Variants in LPCAT4 observed in about 807,000 individuals in gnomAD.
LPCAT4 encodes the protein lysophospholipid acyltransferase LPCAT4.
LPCAT4 carries 30 observed loss-of-function variants against 66.5 expected under a neutral mutation model. The ratio of observed to expected loss-of-function variants is 0.45; its 90% CI spans 0.34 to 0.61. The LOEUF (loss-of-function observed/expected upper bound fraction) is 0.61, where lower values mean the gene tolerates loss of function less well. Ranked by LOEUF, LPCAT4 falls within the 20% of genes least tolerant of loss-of-function variation. LPCAT4 has a pLI of 0.01. For synonymous variants in LPCAT4, 253 were observed against 262.1 expected (o/e 0.97, Z 0.34); for missense variants, 557 against 656.7 (o/e 0.85, Z 1.66).
At position 34,362,327 on chromosome 15, in the gene LPCAT4, G is replaced by A; in HGVS notation, c.885-6C>T. ...TGGCTGGAATGCCCAGAGCCCTACA[G>A]GATGAAGAGGGATGGGATGGAGGGT... is the stretch of plus-strand genomic sequence containing the variant. On this transcript the variant is annotated splice_region_variant and splice_polypyrimidine_tract_variant and intron_variant, in intron 9 of 13. Coordinates refer to ENST00000314891, the MANE Select transcript of LPCAT4 (RefSeq NM_153613.3). 1 of 1,614,064 alleles carries A rather than the reference G, an allele frequency of 6.2e-7. No individual in the cohort carries two copies. Among genetic ancestry groups the A allele is most frequent in the Non-Finnish European group, 8.5e-7 (1 of 1,179,998 alleles).
intron 10 of LPCAT4, 58 bp downstream of exon 10, chr15:34,362,138 T>TCTC: frequency 2.0e-6 from 3 of 1,487,198 alleles, no homozygotes; most frequent in Middle Eastern, 1.8e-4. Flanking sequence ...CCCCTTCTTA[T>TCTC]TCTCTCTCTC....
rs1015765590 is a variant in LPCAT4, at chr15:34,364,893, C to T, written c.478+115G>A. The T allele has an allele frequency of 3.7e-6, 3 of 806,872 alleles. No individual in the cohort carries two copies. In the African/African-American group the frequency reaches 5.2e-5, roughly 14 times the overall value. 50.0% of individuals were successfully genotyped at this position (806,872 alleles called of 1,614,324 possible). ...ACTAATGGTGTTAATTTATATTTCA[C>T]TTGCCAACAGTCCCTCCCCACTTTG... On this transcript the variant is annotated intron_variant, in intron 3 of 13. Coordinates refer to ENST00000314891, the MANE Select transcript of LPCAT4 (RefSeq NM_153613.3).
Position 34,363,389 on chromosome 15 carries a change from C to T in LPCAT4, c.746+33G>A. On this transcript the variant is annotated intron_variant, in intron 7 of 13. Coordinates refer to ENST00000314891, the MANE Select transcript of LPCAT4 (RefSeq NM_153613.3). This position sits in a 1 kb window ranked among gnomAD's most constrained non-coding sequence, Gnocchi z 4.3. ...AGGAATTCTCTGATGGACCCTGCTC[C>T]CCACCCTCACCCCCAGGAATACCAG... 1 of 1,607,758 alleles carries T rather than the reference C, an allele frequency of 6.2e-7. No homozygotes were observed. Among genetic ancestry groups the T allele is most frequent in the East Asian group, 2.2e-5 (1 of 44,850 alleles).
chr15:34,366,008 G>C (rs1413705074), intron 1 of LPCAT4: 4 of 306,538 alleles, frequency 1.3e-5, no homozygotes, highest in Non-Finnish European at 2.5e-5. Context: ...GAATGCATGC[G>C]AAAGTGCAGG....
chr15:34,359,993 G>T, intron 12 of LPCAT4, 118 bp downstream of exon 12: 1 of 911,344 alleles, frequency 1.1e-6, no homozygotes, highest in Non-Finnish European at 1.7e-6. Context: ...GTGGCACTAG[G>T]TTGGATACCA....
intron 13 of LPCAT4, 71 bp downstream of exon 13, chr15:34,359,518 C>G: frequency 6.4e-7 from 1 of 1,556,566 alleles, no homozygotes; most frequent in Non-Finnish European, 8.7e-7. Flanking sequence ...TGTTCCCTCC[C>G]AGCCCAGTGC....
rs1890907683 is a variant in LPCAT4, at chr15:34,360,099, A to AC, written c.1242+11dup. 1 of 965,590 alleles carries AC rather than the reference A, an allele frequency of 1.0e-6. No individual in the cohort carries two copies. Among genetic ancestry groups the AC allele is most frequent in the Non-Finnish European group, 1.6e-6 (1 of 629,922 alleles). 59.8% of individuals were successfully genotyped at this position (965,590 alleles called of 1,614,324 possible). A position where few individuals can be genotyped will look rare whatever the true frequency, so the allele number is the denominator to read the frequency against. ...CCACTAAGCACCCCCCACCACCGCCACCCCCCATTACCTCAAAGGCCAGAC... is the reference window on the plus strand; with the variant it reads ...CCACTAAGCACCCCCCACCACCGCCACCCCCCCATTACCTCAAAGGCCAGAC... On this transcript the variant is annotated intron_variant, in intron 12 of 13. Coordinates refer to ENST00000314891, the MANE Select transcript of LPCAT4 (RefSeq NM_153613.3).
chr15:34,360,731 CTCAATCTAAGGAA>C (rs912821655), intron 11 of LPCAT4, among the ~76,000 whole-genome samples: 3 of 152,176 alleles, frequency 2.0e-5, no homozygotes, highest in African/African-American at 7.2e-5. Context: ...GACAGTCCGC[CTCAATCTAAGGAA>C]TCTAGATACC....
chr15:34,363,875 G>T lies in LPCAT4; in HGVS notation c.652+138C>A. ...TTCTCTCTGACTCCTCGACTTGACA[G>T]CATTAGCTAGGAGGTTCCTGGTCTC... On this transcript the variant is annotated intron_variant, in intron 5 of 13. Transcript: ENST00000314891. The surrounding 1 kb of genome is among the most constrained non-coding windows in gnomAD (Gnocchi z 4.3). 7.9e-7 allele frequency: 1 copy of T among 1,261,894 alleles called. No individual in the cohort carries two copies. Among genetic ancestry groups the T allele is most frequent in the Non-Finnish European group, 1.1e-6 (1 of 872,384 alleles). 78.2% of individuals were successfully genotyped at this position (1,261,894 alleles called of 1,614,324 possible). A position where few individuals can be genotyped will look rare whatever the true frequency, so the allele number is the denominator to read the frequency against.
At chr15:34,364,411 C>T (rs1421905191) in intron 3 of LPCAT4, 105 bp from the exon 4 acceptor site, 28 of 558,870 alleles carry the variant, frequency 5.0e-5, no homozygotes, top group South Asian at 8.6e-5. Flanking sequence ...TCTGTTATCT[C>T]TTTTTTTTTT....
chr15:34,360,343 T>C (rs2140165412), intron 11 of LPCAT4, 134 bp from the exon 12 acceptor site: 1 of 667,800 alleles, frequency 1.5e-6, no homozygotes, highest in Non-Finnish European at 2.6e-6. Context: ...AACTGTGAGC[T>C]CCAAACTCTT....
At chr15:34,366,369 G>A (rs1034392031) in intron 1 of LPCAT4, among the ~76,000 whole-genome samples, 1 of 152,172 alleles carries the variant, frequency 6.6e-6, no homozygotes, top group East Asian at 1.9e-4. Flanking sequence ...GGTGATGACA[G>A]CAGAAACCTT....
At chr15:34,364,910 C>T in intron 3 of LPCAT4, 98 bp downstream of exon 3, 3 of 995,228 alleles carry the variant, frequency 3.0e-6, no homozygotes, top group East Asian at 2.4e-5. Context: ...ACAGTCCCTC[C>T]CCACTTTGAG....
intron 11 of LPCAT4, among the ~76,000 whole-genome samples, 171 bp from the exon 12 acceptor site, chr15:34,360,380 C>T (rs1890914877): frequency 6.6e-6 from 1 of 152,214 alleles, no homozygotes; most frequent in African/African-American, 2.4e-5. Flanking sequence ...TCTCTCAGGT[C>T]ATAGGCTTTC....
At position 34,360,145 on chromosome 15, in the gene LPCAT4, C is replaced by A; in HGVS notation, c.1208G>T (p.Arg403Met). The A allele has an allele frequency of 1.2e-6, 2 of 1,614,026 alleles. No individual in the cohort carries two copies. The highest frequency in any genetic ancestry group is 1.7e-6 in the Non-Finnish European group (2 of 1,179,990). Reference sequence around the variant, plus strand: ...CAGACGAGTTAGCTCTTCCAGGCTCCTGCCCCCATCCAGAGCTGCTAGTGC... The same window carrying A: ...CAGACGAGTTAGCTCTTCCAGGCTCATGCCCCCATCCAGAGCTGCTAGTGC... ...ALALAALDGG[R>M]SLEELTRLAF... is the part of the protein sequence containing the mutation. The change falls in exon 12 of 14, where the codon AGG (arginine) becomes ATG (methionine). Residue 403 changes from arginine (R) to methionine (M), a missense_variant. Physicochemically the swap from Arg to Met is moderately conservative, Grantham distance 91. Transcript: ENST00000314891.
intron 11 of LPCAT4, chr15:34,361,167 AC>A (rs1408125257): frequency 5.1e-6 from 7 of 1,362,142 alleles, no homozygotes; most frequent in Non-Finnish European, 6.6e-6. Flanking sequence ...TATAGTCCTT[AC>A]TGATTATTTC....
rs866613649 is a variant in LPCAT4 at position 34,360,152 on chromosome 15, C to A, written c.1201G>T (p.Gly401Trp). The A allele has an allele frequency of 1.2e-6, 2 of 1,613,956 alleles. No homozygotes were observed. The highest frequency in any genetic ancestry group is 4.5e-5 in the East Asian group (2 of 44,876). ...DVALALAALD[G>W]GRSLEELTRL... ...GTTAGCTCTTCCAGGCTCCTGCCCC[C>A]ATCCAGAGCTGCTAGTGCAAGGGCC... is the stretch of plus-strand genomic sequence containing the variant. Residue 401 changes from glycine (G) to tryptophan (W), a missense_variant, in exon 12 of 14, where the codon GGG becomes TGG. Around this residue, in one of 4 missense-constraint regions of LPCAT4, gnomAD observed 392 missense variants for 473.9 expected, o/e 0.83. Coordinates refer to ENST00000314891, the MANE Select transcript of LPCAT4 (RefSeq NM_153613.3).
Position 34,364,325 on chromosome 15 carries a change from C to A in LPCAT4, c.479-19G>T. On this transcript the variant is annotated intron_variant, in intron 3 of 13. Transcript: ENST00000314891. Reference sequence around the variant, plus strand: ...AGAAGGGCTGGGGTTGGGAAGGATACAAAGAGGAATCACTTCTTTCCTACC... The same window carrying A: ...AGAAGGGCTGGGGTTGGGAAGGATAAAAAGAGGAATCACTTCTTTCCTACC... 6.5e-7 allele frequency: 1 copy of A among 1,533,894 alleles called. No homozygotes were observed. The highest frequency in any genetic ancestry group is 9.0e-7 in the Non-Finnish European group (1 of 1,109,270).
chr15:34,365,479 CTT>C (rs1423452940), intron 2 of LPCAT4, 78 bp downstream of exon 2: 2 of 1,583,908 alleles, frequency 1.3e-6, no homozygotes, highest in East Asian at 2.2e-5. Flanking sequence ...AGAATGCTCT[CTT>C]TTCTTCTTCT....
Sources: allele counts gnomAD v4.1 joint callset (sites outside exome capture counted in the v4.1 genomes callset), GRCh38; gene constraint gnomAD v4.1.1; regional missense constraint gnomAD v4.1.1; non-coding constraint Gnocchi (gnomAD v3.1); transcripts MANE v1.5; gene names NCBI Gene and HGNC (gene_info 2026-07-23, HGNC 2026-07-21).